Variants in COG6 observed in about 807,000 individuals in gnomAD.
The protein encoded by COG6 is component of oligomeric golgi complex 6.
Under a neutral mutation model 88.8 loss-of-function variants are expected in COG6, and 74 were observed. The ratio of observed to expected loss-of-function variants is 0.83; its 90% CI spans 0.69 to 1.01. COG6 has a LOEUF of 1.01. Ranked by LOEUF, COG6 falls within the 50% of genes least tolerant of loss-of-function variation. The pLI is 0.00. For synonymous variants in COG6, 286 were observed against 278.7 expected (o/e 1.03, Z -0.26); for missense variants, 800 against 797.9 (o/e 1.00, Z -0.03).
chr13:39,699,193 T>C (rs1039270040), intron 12 of COG6, among the ~76,000 whole-genome samples: 4 of 151,348 alleles, frequency 2.6e-5, no homozygotes, highest in African/African-American at 9.7e-5. Context: ...ATATTTACTC[T>C]AATAGAGGAA....
At chr13:39,762,749 G>A (rs1466670307) in intron 18 of COG6, among the ~76,000 whole-genome samples, 1 of 145,168 alleles carries the variant, frequency 6.9e-6, no homozygotes, top group Non-Finnish European at 1.5e-5. Flanking sequence ...ATCTATTTGA[G>A]ACAAAATAAG....
At chr13:39,740,635 C>T (rs543236769) in intron 18 of COG6, among the ~76,000 whole-genome samples, 4 of 152,158 alleles carry the variant, frequency 2.6e-5, no homozygotes, top group African/African-American at 7.2e-5. Context: ...TGCTCGTAGA[C>T]GTCTGGCATA....
chr13:39,711,995 G>T (rs745986980), intron 13 of COG6, among the ~76,000 whole-genome samples: 1 of 152,132 alleles, frequency 6.6e-6, no homozygotes, highest in African/African-American at 2.4e-5. Context: ...GAGTGGCTAC[G>T]ATTACAGGTA....
intron 4 of COG6, among the ~76,000 whole-genome samples, chr13:39,665,450 T>C (rs1875189419): frequency 6.6e-6 from 1 of 152,202 alleles, no homozygotes; most frequent in Admixed American, 6.5e-5. Flanking sequence ...TGTTTTCAGA[T>C]TTTTAATAGT....
chr13:39,763,782 A>G (rs1338871581), intron 18 of COG6, among the ~76,000 whole-genome samples: 1 of 151,776 alleles, frequency 6.6e-6, no homozygotes, highest in Non-Finnish European at 1.5e-5. Context: ...ATAATGTACT[A>G]TCCTTTTTAT....
At chr13:39,723,257 G>T in intron 15 of COG6, 76 bp from the exon 16 acceptor site, 1 of 857,530 alleles carries the variant, frequency 1.2e-6, no homozygotes. Context: ...CATCATCAGT[G>T]CCAATGCAAG....
chr13:39,767,224 A>G (rs986654757), intron 18 of COG6, among the ~76,000 whole-genome samples: 25 of 152,234 alleles, frequency 1.6e-4, no homozygotes, highest in African/African-American at 6.0e-4. Context: ...AGAAAAGAAA[A>G]TAACTCATTA....
At chr13:39,788,194 C>A in intron 18 of COG6, 1 of 852,034 alleles carries the variant, frequency 1.2e-6, no homozygotes, top group South Asian at 1.4e-5. Flanking sequence ...CACACGTACT[C>A]CACCACATGG....
chr13:39,790,467 G>A (rs529070114), exon 19 of COG6: 5 of 152,108 alleles, frequency 3.3e-5, no homozygotes, highest in African/African-American at 1.2e-4. Context: ...CATGAGTCTA[G>A]TATCTGTAGA....
intron 15 of COG6, among the ~76,000 whole-genome samples, chr13:39,721,770 C>T (rs536670029): frequency 5.9e-5 from 9 of 152,000 alleles, no homozygotes; most frequent in Non-Finnish European, 1.0e-4. Flanking sequence ...ATTTTTTTCC[C>T]ACTCTTATAT....
intron 18 of COG6, among the ~76,000 whole-genome samples, chr13:39,774,645 G>GCTCACTGCAACCTCCAC (rs1332813878): frequency 6.6e-6 from 1 of 151,762 alleles, no homozygotes; most frequent in Non-Finnish European, 1.5e-5. Flanking sequence ...TGCCATCTCA[G>GCTCACTGCAACCTCCAC]CTCACTGCAA....
At chr13:39,674,869 G>T (rs151114849) in intron 4 of COG6, among the ~76,000 whole-genome samples, 2 of 151,972 alleles carry the variant, frequency 1.3e-5, no homozygotes, top group East Asian at 3.9e-4. Flanking sequence ...ATTTGGTACC[G>T]TCAGCAGTTT....
chr13:39,745,923 G>A (rs1031940630), intron 18 of COG6, among the ~76,000 whole-genome samples: 2 of 152,126 alleles, frequency 1.3e-5, no homozygotes, highest in African/African-American at 4.8e-5. Context: ...ATGAGTTCAT[G>A]TCCTTTGTAG....
intron 18 of COG6, among the ~76,000 whole-genome samples, chr13:39,745,614 A>G (rs1013103944): frequency 2.6e-5 from 4 of 152,212 alleles, no homozygotes; most frequent in Admixed American, 2.0e-4. Context: ...ATGTGGAGAA[A>G]TAGGAATGCT....
intron 12 of COG6, among the ~76,000 whole-genome samples, chr13:39,696,149 CAATT>C (rs1323375972): frequency 1.9e-5 from 2 of 104,932 alleles, no homozygotes; most frequent in Non-Finnish European, 3.9e-5. Context: ...TTGAAGATGA[CAATT>C]AAAATCTTTT....
intron 18 of COG6, among the ~76,000 whole-genome samples, chr13:39,788,077 A>G (rs554700180): frequency 3.5e-4 from 54 of 152,310 alleles, no homozygotes; most frequent in Non-Finnish European, 6.3e-4. Context: ...ACATTTTGGC[A>G]TGGAATTTTC....
intron 8 of COG6, among the ~76,000 whole-genome samples, chr13:39,687,022 C>T (rs764235634): frequency 6.6e-6 from 1 of 152,226 alleles, no homozygotes; most frequent in Non-Finnish European, 1.5e-5. Flanking sequence ...AACCACCGCA[C>T]CCAGCCTTGG....
chr13:39,697,230 C>T (rs1180078676), intron 12 of COG6, among the ~76,000 whole-genome samples: 1 of 151,530 alleles, frequency 6.6e-6, no homozygotes, highest in Non-Finnish European at 1.5e-5. Context: ...ACAGATGACA[C>T]AATGCCATGG....
intron 18 of COG6, among the ~76,000 whole-genome samples, chr13:39,772,675 G>T (rs1881354071): frequency 6.6e-6 from 1 of 152,232 alleles, no homozygotes; most frequent in South Asian, 2.1e-4. Flanking sequence ...CAGACTCACT[G>T]TGCTGGCCTG....
Sources: gnomAD v4.1 joint callset for allele counts (sites outside exome capture counted in the v4.1 genomes callset) on GRCh38, gnomAD v4.1.1 for gene constraint, MANE v1.5 for transcripts, NCBI Gene and HGNC (gene_info 2026-07-23, HGNC 2026-07-21) for gene names.